The following IGSF9B variants were observed in gnomAD, a reference collection of about 807,000 sequenced individuals.
The protein encoded by IGSF9B is protein turtle homolog B.
In IGSF9B, 48 loss-of-function variants were observed where a neutral mutation model predicts 143.7. That is an observed-to-expected ratio of 0.33 (90% confidence interval 0.26 to 0.42). IGSF9B has a LOEUF of 0.42. IGSF9B is among the 20% of genes least tolerant of loss of function. The pLI is 1.00. For synonymous variants in IGSF9B, 903 were observed against 833.1 expected (o/e 1.08, Z -1.44); for missense variants, 1,706 against 1,980.0 (o/e 0.86, Z 2.63).
At position 133,903,199 on chromosome 11, in the gene IGSF9B, T is replaced by C. The variant is rs908558983; in HGVS notation, c.*5870A>G. On this transcript the variant is annotated 3_prime_UTR_variant, in exon 20 of 20. Transcript: ENST00000533871. ...CGCAAAATAAATCCAGGAAATCCAGTGCCACAGAGAGGTAGGATTGGTGGA... is the reference window on the plus strand; with the variant it reads ...CGCAAAATAAATCCAGGAAATCCAGCGCCACAGAGAGGTAGGATTGGTGGA... Among the ~76,000 whole-genome samples, 9 of 152,030 alleles carry C rather than the reference T, an allele frequency of 5.9e-5. No homozygotes were observed. Among genetic ancestry groups the C allele is most frequent in the Admixed American group, 1.3e-4 (2 of 15,270 alleles).
intron 1 of IGSF9B, among the ~76,000 whole-genome samples, chr11:133,949,664 GT>G (rs1471482603): frequency 6.6e-6 from 1 of 151,754 alleles, no homozygotes; most frequent in African/African-American, 2.4e-5. Context: ...GTGTGTCTGT[GT>G]TCTGTCAGAA....
chr11:133,917,820 G>C (rs760302906), intron 18 of IGSF9B, among the ~76,000 whole-genome samples: 115 of 152,236 alleles, frequency 7.6e-4, no homozygotes, highest in Admixed American at 2.2e-3. Context: ...GGGCTGCTGG[G>C]AGAATAGGGT....
At position 133,919,911 on chromosome 11, in the gene IGSF9B, C is replaced by A. The variant is rs1046946851; in HGVS notation, c.3814G>T (p.Ala1272Ser). Reference sequence around the variant, plus strand: ...GTGGCCAGAGTGGTGAAGCCCATGGCGGGCCGGTAGCTGGGACTCCCACTG... The same window carrying A: ...GTGGCCAGAGTGGTGAAGCCCATGGAGGGCCGGTAGCTGGGACTCCCACTG... Reference protein sequence around the residue: ...SRSGSPSYRPAMGFTTLATGY... With the variant: ...SRSGSPSYRPSMGFTTLATGY... Residue 1272 changes from alanine (A) to serine (S), a missense_variant, in exon 18 of 20, where the codon GCC (alanine) becomes TCC (serine). Transcript: ENST00000533871. 2 of 1,567,488 alleles carry A rather than the reference C, an allele frequency of 1.3e-6. No individual in the cohort carries two copies. Among genetic ancestry groups the A allele is most frequent in the Admixed American group, 1.9e-5 (1 of 53,030 alleles).
chr11:133,938,034 C>T (rs1939858270), intron 3 of IGSF9B, 73 bp from the exon 4 acceptor site: 6 of 1,493,320 alleles, frequency 4.0e-6, no homozygotes, highest in Non-Finnish European at 5.5e-6. Context: ...AGTACCTGCC[C>T]CACACATCAC....
intron 1 of IGSF9B, among the ~76,000 whole-genome samples, chr11:133,955,917 C>A (rs1054767576): frequency 6.6e-6 from 1 of 152,004 alleles, no homozygotes. Context: ...CCCGCCGCCG[C>A]CCCCAGCCAG....
Position 133,926,965 on chromosome 11 carries a change from G to A in IGSF9B, c.1758C>T (p.Asn586=). 1 of 1,597,488 alleles carries A rather than the reference G, an allele frequency of 6.3e-7. No individual in the cohort carries two copies. The highest frequency in any genetic ancestry group is 8.5e-7 in the Non-Finnish European group (1 of 1,172,362). Residue 586 remains asparagine (N), a synonymous_variant, in exon 13 of 20, where the codon AAC becomes AAT. Transcript: ENST00000533871. ...CACTGAAGGCGCTGGTTCCCAGCTT[G>A]TTCTGGGCCAGGACGCTGAACTGGT... ...TAYQFSVLAQ[N]KLGTSAFSEV...
In IGSF9B at chr11:133,921,316, G is replaced by C. The variant is rs190045996; in HGVS notation, c.2409C>G (p.Pro803=). The change falls in exon 18 of 20, where the codon CCC becomes CCG. Residue 803 remains proline, a synonymous_variant. Transcript: ENST00000533871. ...PSESSDDQGQ[P]AAKRMLSPTR... ...TGGGGCTCAGCATCCTCTTGGCCGC[G>C]GGCTGGCCCTGGTCGTCGGAGGATT... 9.2e-5 allele frequency: 147 copies of C among 1,602,644 alleles called. No individual in the cohort carries two copies. The African/African-American group carries it at 1.7e-3, about 19-fold the overall frequency.
In IGSF9B at chr11:133,909,777, A is replaced by G. The variant is rs2121267173; in HGVS notation, c.4106-500T>C. ...TGGCCCTTCTGGAGATTAATCAGGA[A>G]TGCCTTTGCTAGCTTCAAAGACTAT... On this transcript the variant is annotated intron_variant, in intron 19 of 19. Transcript: ENST00000533871. This position sits in a 1 kb window ranked among gnomAD's most constrained non-coding sequence, Gnocchi z 4.2. Among the ~76,000 whole-genome samples the G allele has an allele frequency of 6.6e-6, 1 of 152,364 alleles. No homozygotes were observed. The highest frequency in any genetic ancestry group is 6.5e-5 in the Admixed American group (1 of 15,306).
rs1939246358 is a variant in IGSF9B, at chr11:133,908,503, A to G, written c.*566T>C. On this transcript the variant is annotated 3_prime_UTR_variant, in exon 20 of 20. Coordinates refer to ENST00000533871, the MANE Select transcript of IGSF9B (RefSeq NM_001277285.4). The stretch of plus-strand genomic sequence containing the variant: ...CAACGTGCAGCCAGCCCTGCTCGCA[A>G]ACCCCAGCTGGCCACTGCCCTCCTC... 1 of 151,836 alleles carries G rather than the reference A, an allele frequency of 6.6e-6. No individual in the cohort carries two copies. The highest frequency in any genetic ancestry group is 1.5e-5 in the Non-Finnish European group (1 of 68,012). The allele number at this position is 151,836 out of a possible 1,614,324, so 9.4% of individuals were successfully genotyped here.
rs540402446 is a variant in IGSF9B at position 133,925,814 on chromosome 11, G to A, written c.1959C>T (p.Val653=). 26 of 1,613,890 alleles carry A rather than the reference G, an allele frequency of 1.6e-5. No individual in the cohort carries two copies. The highest frequency in any genetic ancestry group is 8.9e-5 in the East Asian group (4 of 44,876). Residue 653 remains valine, a synonymous_variant, in exon 14 of 20, where the codon GTC becomes GTT. Coordinates refer to ENST00000533871, the MANE Select transcript of IGSF9B (RefSeq NM_001277285.4). The part of the protein sequence containing the change: ...PIDRYIMEFR[V]AERWELLDDG... ...CGTCGAGCAACTCCCAGCGCTCTGCGACACGGAACTCCATGATGTAGCGGT... is the reference window on the plus strand; with the variant it reads ...CGTCGAGCAACTCCCAGCGCTCTGCAACACGGAACTCCATGATGTAGCGGT...
At chr11:133,950,386 T>C (rs1940135757) in intron 1 of IGSF9B, among the ~76,000 whole-genome samples, 1 of 152,164 alleles carries the variant, frequency 6.6e-6, no homozygotes, top group African/African-American at 2.4e-5. Context: ...GGAATCTCAG[T>C]CCCTGCCCAC....
intron 1 of IGSF9B, among the ~76,000 whole-genome samples, chr11:133,951,596 C>T (rs1051766371): frequency 2.0e-5 from 3 of 152,228 alleles, no homozygotes; most frequent in Non-Finnish European, 4.4e-5. Flanking sequence ...AGTCCTTTCC[C>T]CAGGAGCCAC....
chr11:133,925,029 G>T lies in IGSF9B; in HGVS notation c.2035-125C>A, dbSNP rs1254723018. On this transcript the variant is annotated intron_variant, in intron 14 of 19. Coordinates refer to ENST00000533871, the MANE Select transcript of IGSF9B (RefSeq NM_001277285.4). The stretch of plus-strand genomic sequence containing the variant: ...ACCCAAAGCACAGGAGGACTGCTAA[G>T]TGTCTAATGCTAAGCGATGGTAGCA... 1.1e-5 allele frequency: 8 copies of T among 752,824 alleles called. No homozygotes were observed. The Admixed American group carries it at 1.7e-4, about 16-fold the overall frequency. The allele number at this position is 752,824 out of a possible 1,614,324, so 46.6% of individuals were successfully genotyped here. A position where few individuals can be genotyped will look rare whatever the true frequency, so the allele number is the denominator to read the frequency against.
chr11:133,920,966 T>G lies in IGSF9B; in HGVS notation c.2759A>C (p.Glu920Ala). 6.2e-7 allele frequency: 1 copy of G among 1,610,728 alleles called. No individual in the cohort carries two copies. The highest frequency in any genetic ancestry group is 8.5e-7 in the Non-Finnish European group (1 of 1,178,210). The change falls in exon 18 of 20, where the codon GAG (glutamate) becomes GCG (alanine). Residue 920 changes from glutamate (E) to alanine (A), a missense_variant. Around this residue, in one of 7 missense-constraint regions of IGSF9B, gnomAD observed 880 missense variants for 762.9 expected, o/e 1.15. Transcript: ENST00000533871. ...SQLTPLSSSQ[E>A]SYLPPPAYSP... is the part of the protein sequence containing the mutation. ...GTATGCTGGTGGTGGCAGGTAGGAC[T>G]CCTGGCTGGATGACAGAGGGGTGAG...
Position 133,932,272 on chromosome 11 carries a change from GAC to G in IGSF9B, c.968-61_968-60del, listed in dbSNP as rs1051402347. The G allele has an allele frequency of 8.0e-6, 12 of 1,498,200 alleles. No individual in the cohort carries two copies. In the African/African-American group the frequency reaches 1.0e-4, roughly 13 times the overall value. 92.8% of individuals were successfully genotyped at this position (1,498,200 alleles called of 1,614,324 possible). On this transcript the variant is annotated intron_variant, in intron 7 of 19. Coordinates refer to ENST00000533871, the MANE Select transcript of IGSF9B (RefSeq NM_001277285.4). Reference sequence around the variant, plus strand: ...AGACAGACACAGGGACAGACAGACAGACACAGGGACAGACAGACAGACACAGG... The same window carrying G: ...AGACAGACACAGGGACAGACAGACAGACAGGGACAGACAGACAGACACAGG...
intron 14 of IGSF9B, among the ~76,000 whole-genome samples, chr11:133,925,111 G>A (rs1387272755): frequency 2.6e-5 from 4 of 152,274 alleles, no homozygotes; most frequent in Non-Finnish European, 4.4e-5. Context: ...AGCTACGAAC[G>A]TGAGGTCACC....
At chr11:133,916,543 G>A (rs1939385874) in intron 18 of IGSF9B, among the ~76,000 whole-genome samples, 1 of 152,194 alleles carries the variant, frequency 6.6e-6, no homozygotes, top group Non-Finnish European at 1.5e-5. Flanking sequence ...TCAGGATGGG[G>A]AGGGTCTCCT....
intron 18 of IGSF9B, 96 bp downstream of exon 18, chr11:133,919,646 T>C (rs772293705): frequency 7.3e-4 from 595 of 817,256 alleles, no homozygotes; most frequent in Non-Finnish European, 9.5e-4. Flanking sequence ...GCACGAGCCC[T>C]GTCGCCGGGC....
chr11:133,916,707 G>T (rs1939388832), intron 18 of IGSF9B, among the ~76,000 whole-genome samples: 1 of 152,200 alleles, frequency 6.6e-6, no homozygotes, highest in Admixed American at 6.5e-5. Context: ...AGGGTCAATG[G>T]AGTTGAGTGA....
Sources: gnomAD v4.1 joint callset for allele counts (sites outside exome capture counted in the v4.1 genomes callset) on GRCh38, gnomAD v4.1.1 for gene constraint, gnomAD v4.1.1 regional missense constraint, Gnocchi (gnomAD v3.1) non-coding constraint, MANE v1.5 for transcripts, NCBI Gene and HGNC (gene_info 2026-07-23, HGNC 2026-07-21) for gene names.